The following MAP1A variants were observed in gnomAD, a reference collection of about 807,000 sequenced individuals.
MAP1A encodes the protein microtubule-associated protein 1A.
In MAP1A, 42 loss-of-function variants were observed where a neutral mutation model predicts 185.9. The observed-to-expected ratio is 0.23, with a 90% CI of 0.18 to 0.29. The LOEUF is 0.29. Among genes scored for constraint, MAP1A ranks in the 10% least tolerant of loss-of-function variants. The pLI is 1.00. For missense variants in MAP1A, 2,995 were observed against 3,450.4 expected, an observed-to-expected ratio of 0.87 and a Z score of 3.31; for synonymous variants, 1,229 against 1,335.9, an observed-to-expected ratio of 0.92 and a Z score of 1.74.
chr15:43,511,350 C>G, intron 1 of MAP1A: 1 of 713,276 alleles, frequency 1.4e-6, no homozygotes, highest in Non-Finnish European at 2.4e-6. Context: ...AGATCTGCGC[C>G]CTTGTCACCT....
At position 43,522,951 on chromosome 15, in the gene MAP1A, G is replaced by C. The variant is rs201398891; in HGVS notation, c.1478G>C (p.Arg493Pro). ...RVKIDRSRAI[R>P]GEKELSSEPQ... ...AAAATAGACAGGAGCCGTGCTATCC[G>C]TGGGGAGAAGGAGCTGTCTTCTGAG... The change falls in exon 4 of 6, where the codon CGT becomes CCT. Residue 493 changes from arginine to proline, a missense_variant. Transcript: ENST00000300231. This position sits in a 1 kb window ranked among gnomAD's most constrained non-coding sequence, Gnocchi z 5.9. 9 of 1,613,994 alleles carry C rather than the reference G, an allele frequency of 5.6e-6. No individual in the cohort carries two copies. The East Asian group carries it at 1.8e-4, about 32-fold the overall frequency.
chr15:43,529,910 G>A lies in MAP1A; in HGVS notation c.8256+40G>A, dbSNP rs751491909. On this transcript the variant is annotated intron_variant, in intron 5 of 5. Coordinates refer to ENST00000300231, the MANE Select transcript of MAP1A (RefSeq NM_002373.6). The surrounding 1 kb of genome is among the most constrained non-coding windows in gnomAD (Gnocchi z 4.3). The stretch of plus-strand genomic sequence containing the variant: ...ACACCAAGGAAGTAGTCTGGTCAAC[G>A]CTCACTCAGAGGCAGTAGTGGAACA... 4.4e-6 allele frequency: 7 copies of A among 1,593,370 alleles called. No individual in the cohort carries two copies. The highest frequency in any genetic ancestry group is 2.2e-5 in the East Asian group (1 of 44,740).
Position 43,526,412 on chromosome 15 carries a change from G to A in MAP1A, c.4939G>A (p.Val1647Ile), listed in dbSNP as rs1172453941. 2 of 1,614,186 alleles carry A rather than the reference G, an allele frequency of 1.2e-6. No homozygotes were observed. The highest frequency in any genetic ancestry group is 1.7e-6 in the Non-Finnish European group (2 of 1,180,024). Reference protein sequence around the residue: ...EEKYWRGQDVVQEWQETSPTR... With the variant: ...EEKYWRGQDVIQEWQETSPTR... ...AAAGTACTGGAGGGGGCAGGATGTG[G>A]TCCAGGAGTGGCAAGAAACATCTCC... The change falls in exon 4 of 6, where the codon GTC (valine) becomes ATC (isoleucine). Residue 1647 changes from valine to isoleucine, a missense_variant. Val to Ile is a conservative substitution (Grantham distance 29, BLOSUM62 3). Transcript: ENST00000300231. The surrounding 1 kb of genome is among the most constrained non-coding windows in gnomAD (Gnocchi z 4.7).
rs1566976934 is a variant in MAP1A at position 43,521,435 on chromosome 15, C to G, written c.-39C>G. ...GGGATTATCCAGTTCCCAAGAGACC[C>G]TGCACCTCCGGCTAAACCCTGAGCC... On this transcript the variant is annotated 5_prime_UTR_variant, in exon 4 of 6. Coordinates refer to ENST00000300231, the MANE Select transcript of MAP1A (RefSeq NM_002373.6). This position sits in a 1 kb window ranked among gnomAD's most constrained non-coding sequence, Gnocchi z 4.6. The G allele has an allele frequency of 6.2e-7, 1 of 1,614,126 alleles. No individual in the cohort carries two copies. The highest frequency in any genetic ancestry group is 8.5e-7 in the Non-Finnish European group (1 of 1,180,018).
At chr15:43,517,595 CACCGCCCG>C, upstream of MAP1A, 1 of 209,840 alleles carries the variant, frequency 4.8e-6, no homozygotes, top group Non-Finnish European at 8.1e-6. Flanking sequence ...CTCCCCCCCC[CACCGCCCG>C]CCCCACTCCC....
At position 43,528,866 on chromosome 15, in the gene MAP1A, G is replaced by A. The variant is rs8027916; in HGVS notation, c.7393G>A (p.Asp2465Asn). Residue 2465 changes from aspartate (D) to asparagine (N), a missense_variant, in exon 4 of 6, where the codon GAC becomes AAC. Physicochemically the swap from Asp to Asn is conservative, Grantham distance 23. This residue lies in a region of MAP1A where 2,728 missense variants were observed against 2,986.0 expected (regional missense o/e 0.91). Coordinates refer to ENST00000300231, the MANE Select transcript of MAP1A (RefSeq NM_002373.6). ...TCTGCCCCCATCCATAGATGATAGG[G>A]ACCTCTCAACTGAGGAAGTTCGGCT... ...PPLPPSIDDR[D>N]LSTEEVRLVG... 2 of 1,613,422 alleles carry A rather than the reference G, an allele frequency of 1.2e-6. No homozygotes were observed. The highest frequency in any genetic ancestry group is 1.6e-4 in the Middle Eastern group (1 of 6,062).
Position 43,529,727 on chromosome 15 carries a change from A to C in MAP1A, c.8113A>C (p.Lys2705Gln). The C allele has an allele frequency of 6.2e-7, 1 of 1,614,218 alleles. No homozygotes were observed. The highest frequency in any genetic ancestry group is 8.5e-7 in the Non-Finnish European group (1 of 1,180,034). ...CTACATCCCGAATCATTGCAGTGGCAAGACTGCTGACCTTGACTTCTTCCG... is the reference window on the plus strand; with the variant it reads ...CTACATCCCGAATCATTGCAGTGGCCAGACTGCTGACCTTGACTTCTTCCG... ...LAYIPNHCSG[K>Q]TADLDFFRRV... The change falls in exon 5 of 6, where the codon AAG becomes CAG. Residue 2705 changes from lysine (K) to glutamine (Q), a missense_variant. By Grantham distance (53) the Lys-to-Gln change is moderately conservative. Transcript: ENST00000300231. The surrounding 1 kb of genome is among the most constrained non-coding windows in gnomAD (Gnocchi z 4.3).
Position 43,523,058 on chromosome 15 carries a change from G to C in MAP1A, c.1585G>C (p.Glu529Gln), listed in dbSNP as rs1359483026. ...CAGGGAGCTGGTCCTATCCTCACCA[G>C]AGGACCTCACACAGGACTTTGAGGA... Reference protein sequence around the residue: ...GHRELVLSSPEDLTQDFEEMK... With the variant: ...GHRELVLSSPQDLTQDFEEMK... Residue 529 changes from glutamate (E) to glutamine (Q), a missense_variant, in exon 4 of 6, where the codon GAG (glutamate) becomes CAG (glutamine). Around this residue, in one of 3 missense-constraint regions of MAP1A, gnomAD observed 2,728 missense variants for 2,986.0 expected, o/e 0.91. Coordinates refer to ENST00000300231, the MANE Select transcript of MAP1A (RefSeq NM_002373.6). 1 of 1,614,194 alleles carries C rather than the reference G, an allele frequency of 6.2e-7. No homozygotes were observed. Among genetic ancestry groups the C allele is most frequent in the South Asian group, 1.1e-5 (1 of 91,080 alleles).
chr15:43,511,369 C>T, intron 1 of MAP1A: 1 of 658,086 alleles, frequency 1.5e-6, no homozygotes, highest in Non-Finnish European at 2.7e-6. Flanking sequence ...CTGCATCTTC[C>T]ATGCCATGTG....
intron 1 of MAP1A, among the ~76,000 whole-genome samples, chr15:43,518,519 C>G (rs1397139687): frequency 1.3e-5 from 2 of 152,152 alleles, no homozygotes; most frequent in African/African-American, 2.4e-5. Context: ...CCCCACCCCC[C>G]ATGCAGAAGC....
Position 43,526,346 on chromosome 15 carries a change from G to A in MAP1A, c.4873G>A (p.Glu1625Lys). ...GAAGACCAAAGCTCTGGGCCTGGAAGAGAGCCTAGTGCAGGAGGGCAGGGC... is the reference window on the plus strand; with the variant it reads ...GAAGACCAAAGCTCTGGGCCTGGAAAAGAGCCTAGTGCAGGAGGGCAGGGC... ...LEKTKALGLE[E>K]SLVQEGRARE... Residue 1625 changes from glutamate (E) to lysine (K), a missense_variant, in exon 4 of 6, where the codon GAG becomes AAG. By Grantham distance (56) the Glu-to-Lys change is moderately conservative. Around this residue, in one of 3 missense-constraint regions of MAP1A, gnomAD observed 2,728 missense variants for 2,986.0 expected, o/e 0.91. Coordinates refer to ENST00000300231, the MANE Select transcript of MAP1A (RefSeq NM_002373.6). The surrounding 1 kb of genome is among the most constrained non-coding windows in gnomAD (Gnocchi z 4.7). 1 of 1,614,242 alleles carries A rather than the reference G, an allele frequency of 6.2e-7. No homozygotes were observed. Among genetic ancestry groups the A allele is most frequent in the South Asian group, 1.1e-5 (1 of 91,086 alleles).
chr15:43,511,216 C>G (rs1262691864), exon 1 of MAP1A: 2 of 1,550,292 alleles, frequency 1.3e-6, no homozygotes, highest in Non-Finnish European at 1.7e-6. Context: ...TGCGGGCCCA[C>G]CTTGAACAAG....
In MAP1A at chr15:43,524,288, G is replaced by A. The variant is rs769845533; in HGVS notation, c.2815G>A (p.Glu939Lys). 20 of 1,614,100 alleles carry A rather than the reference G, an allele frequency of 1.2e-5. No individual in the cohort carries two copies. The highest frequency in any genetic ancestry group is 2.5e-6 in the Non-Finnish European group (3 of 1,180,036). Residue 939 changes from glutamate to lysine, a missense_variant, in exon 4 of 6, where the codon GAA becomes AAA. Glu to Lys is a moderately conservative substitution (Grantham distance 56). Transcript: ENST00000300231. The stretch of plus-strand genomic sequence containing the variant: ...AGGCTTGTCTGGAGAGAGAGCTGTG[G>A]AAGAGGAAGAGGAGGAGACAGCAAA... ...GKGLSGERAV[E>K]EEEEETANVE...
Position 43,528,319 on chromosome 15 carries a change from A to G in MAP1A, c.6846A>G (p.Ala2282=), listed in dbSNP as rs775756957. 6.2e-7 allele frequency: 1 copy of G among 1,614,104 alleles called. No homozygotes were observed. Among genetic ancestry groups the G allele is most frequent in the South Asian group, 1.1e-5 (1 of 91,086 alleles). ...GCTTCTCTCCAAGCCTTGAGGCTGC[A>G]GAACAGGAGTCTGGAGAGCTGGACC... ...AERFSPSLEA[A]EQESGELDPG... Residue 2282 remains alanine (A), a synonymous_variant, in exon 4 of 6, where the codon GCA becomes GCG. Transcript: ENST00000300231.
In MAP1A at chr15:43,523,092, G is replaced by C. The variant is rs761176236; in HGVS notation, c.1619G>C (p.Arg540Pro). ...ACACAGGACTTTGAGGAGATGAAGC[G>C]TGAGGAGAGGGCTTTGCTGGCTGAA... ...DLTQDFEEMK[R>P]EERALLAEQR... Residue 540 changes from arginine to proline, a missense_variant, in exon 4 of 6, where the codon CGT becomes CCT. Arg to Pro is a moderately radical substitution (Grantham distance 103, BLOSUM62 -2). Transcript: ENST00000300231. The C allele has an allele frequency of 6.2e-7, 1 of 1,614,204 alleles. No homozygotes were observed. The highest frequency in any genetic ancestry group is 8.5e-7 in the Non-Finnish European group (1 of 1,180,044).
chr15:43,527,176 A>T lies in MAP1A; in HGVS notation c.5703A>T (p.Pro1901=). 1 of 1,613,872 alleles carries T rather than the reference A, an allele frequency of 6.2e-7. No homozygotes were observed. The highest frequency in any genetic ancestry group is 8.5e-7 in the Non-Finnish European group (1 of 1,179,938). The change falls in exon 4 of 6, where the codon CCA becomes CCT. Residue 1901 remains proline (P), a synonymous_variant. Coordinates refer to ENST00000300231, the MANE Select transcript of MAP1A (RefSeq NM_002373.6). ...QEGAAELEGG[P]YSPLGKDYRK... Reference sequence around the variant, plus strand: ...GGGCAGCTGAGTTGGAAGGTGGGCCATACTCCCCCCTGGGGAAGGACTACC... The same window carrying T: ...GGGCAGCTGAGTTGGAAGGTGGGCCTTACTCCCCCCTGGGGAAGGACTACC...
At position 43,523,927 on chromosome 15, in the gene MAP1A, C is replaced by T; in HGVS notation, c.2454C>T (p.Ala818=). ...CCTACCCCACTAACATAGTGGCTGCCCCTTTGGCTGAAGAGGAACATGTGT... is the reference window on the plus strand; with the variant it reads ...CCTACCCCACTAACATAGTGGCTGCTCCTTTGGCTGAAGAGGAACATGTGT... The part of the protein sequence containing the change: ...ELTYPTNIVA[A]PLAEEEHVSS... The change falls in exon 4 of 6, where the codon GCC becomes GCT. Residue 818 remains alanine (A), a synonymous_variant. Transcript: ENST00000300231. 1.2e-6 allele frequency: 2 copies of T among 1,614,198 alleles called. No individual in the cohort carries two copies. The highest frequency in any genetic ancestry group is 1.7e-6 in the Non-Finnish European group (2 of 1,180,038).
At chr15:43,511,196 C>A in exon 1 of MAP1A, 1 of 1,550,560 alleles carries the variant, frequency 6.4e-7, no homozygotes, top group South Asian at 1.2e-5. Flanking sequence ...AGAGAGTCAG[C>A]TGAGGGCCGT....
chr15:43,521,910 C>T lies in MAP1A; in HGVS notation c.437C>T (p.Pro146Leu). ...FFNVPEKLRL[P>L]DASRKAKRSI... Reference sequence around the variant, plus strand: ...AACGTGCCTGAGAAGCTGCGGCTTCCTGATGCCTCCCGGAAAGCCAAGCGT... The same window carrying T: ...AACGTGCCTGAGAAGCTGCGGCTTCTTGATGCCTCCCGGAAAGCCAAGCGT... The change falls in exon 4 of 6, where the codon CCT (proline) becomes CTT (leucine). Residue 146 changes from proline (P) to leucine (L), a missense_variant. Coordinates refer to ENST00000300231, the MANE Select transcript of MAP1A (RefSeq NM_002373.6). The surrounding 1 kb of genome is among the most constrained non-coding windows in gnomAD (Gnocchi z 4.6). The T allele has an allele frequency of 6.2e-7, 1 of 1,614,212 alleles. No individual in the cohort carries two copies. Among genetic ancestry groups the T allele is most frequent in the Non-Finnish European group, 8.5e-7 (1 of 1,180,032 alleles).
Sources: allele counts gnomAD v4.1 joint callset (sites outside exome capture counted in the v4.1 genomes callset), GRCh38; gene constraint gnomAD v4.1.1; regional missense constraint gnomAD v4.1.1; non-coding constraint Gnocchi (gnomAD v3.1); transcripts MANE v1.5; gene names NCBI Gene and HGNC (gene_info 2026-07-23, HGNC 2026-07-21).